Variants in SETBP1 observed in about 807,000 individuals in gnomAD.
SETBP1 encodes SET binding protein 1, also known as SET-binding protein.
Under a neutral mutation model 101.0 loss-of-function variants are expected in SETBP1, and 9 were observed. That is an observed-to-expected ratio of 0.09 (90% CI 0.05 to 0.16). The LOEUF is 0.16. SETBP1 is among the 10% of genes least tolerant of loss of function. The pLI is 1.00. For missense variants in SETBP1, 1,858 were observed against 2,033.8 expected (o/e 0.91, Z 1.66); for synonymous variants, 818 against 788.5 (o/e 1.04, Z -0.63).
At chr18:44,876,890 C>T in intron 3 of SETBP1, 5 of 1,390,176 alleles carry the variant, frequency 3.6e-6, no homozygotes, top group Non-Finnish European at 4.7e-6. Context: ...GCTAGCTAGA[C>T]ATTCTCTCTG....
intron 2 of SETBP1, among the ~76,000 whole-genome samples, chr18:44,738,809 A>ATACAC (rs2070036640): frequency 6.6e-6 from 1 of 151,758 alleles, no homozygotes; most frequent in Admixed American, 6.6e-5. Context: ...GGAAGACGGT[A>ATACAC]TACACGAACA....
chr18:44,906,313 T>G (rs1423033777), intron 3 of SETBP1, among the ~76,000 whole-genome samples: 1 of 152,214 alleles, frequency 6.6e-6, no homozygotes, highest in Non-Finnish European at 1.5e-5. Flanking sequence ...TTTTCTCTTC[T>G]GATAGTAGTC....
At chr18:44,949,313 G>A (rs1268267040) in intron 3 of SETBP1, among the ~76,000 whole-genome samples, 1 of 152,232 alleles carries the variant, frequency 6.6e-6, no homozygotes, top group Non-Finnish European at 1.5e-5. Context: ...GTACAGAGAT[G>A]TTGAGCTCTA....
In SETBP1 at chr18:44,894,867, C is replaced by T. The variant is rs377458417; in HGVS notation, c.540+25584C>T. On this transcript the variant is annotated intron_variant, in intron 3 of 5. Coordinates refer to ENST00000649279, the MANE Select transcript of SETBP1 (RefSeq NM_015559.3). Reference sequence around the variant, plus strand: ...TAATTGAGGCTGGGCACCGTGGCTGCTTTGGGAGGCTGACTCAGGAGGATT... The same window carrying T: ...TAATTGAGGCTGGGCACCGTGGCTGTTTTGGGAGGCTGACTCAGGAGGATT... Among the ~76,000 whole-genome samples the T allele has an allele frequency of 1.5e-4, 23 of 150,900 alleles. No individual in the cohort carries two copies. The East Asian group carries it at 4.4e-3, about 29-fold the overall frequency.
At chr18:44,708,265 T>C (rs1053795020) in intron 2 of SETBP1, among the ~76,000 whole-genome samples, 1 of 152,160 alleles carries the variant, frequency 6.6e-6, no homozygotes, top group Admixed American at 6.5e-5. Flanking sequence ...TGTACTGCTT[T>C]ACAGAAGACT....
intron 2 of SETBP1, among the ~76,000 whole-genome samples, chr18:44,836,046 T>A (rs1270467410): frequency 3.3e-5 from 5 of 152,060 alleles, no homozygotes; most frequent in Admixed American, 1.3e-4. Context: ...CGGACAACGA[T>A]CCTGTCCATT....
chr18:44,862,836 G>C, intron 2 of SETBP1, among the ~76,000 whole-genome samples: 1 of 152,220 alleles, frequency 6.6e-6, no homozygotes, highest in Non-Finnish European at 1.5e-5. Flanking sequence ...CAGCCTTGGG[G>C]TGAGAGGGAT....
At chr18:44,992,854 A>G (rs909757997) in intron 4 of SETBP1, among the ~76,000 whole-genome samples, 10 of 152,040 alleles carry the variant, frequency 6.6e-5, no homozygotes, top group Non-Finnish European at 1.2e-4. Flanking sequence ...ACAGAATGAG[A>G]AAAAAGAAAT....
rs953156004 is a variant in SETBP1, at chr18:45,067,114, T to C, written c.*3416T>C. 6.6e-6 allele frequency: 1 copy of C among 152,182 alleles called. No individual in the cohort carries two copies. The highest frequency in any genetic ancestry group is 6.5e-5 in the Admixed American group (1 of 15,282). 9.4% of individuals were successfully genotyped at this position (152,182 alleles called of 1,614,324 possible). A position where few individuals can be genotyped will look rare whatever the true frequency, so the allele number is the denominator to read the frequency against. The stretch of plus-strand genomic sequence containing the variant: ...CCACTGACAGCCCAGAGAAGGTGAC[T>C]AAGGGCTGGCAGAAGATTAGAATGT... On this transcript the variant is annotated 3_prime_UTR_variant, in exon 6 of 6. Transcript: ENST00000649279.
At chr18:44,758,673 C>T (rs1030020676) in intron 2 of SETBP1, among the ~76,000 whole-genome samples, 11 of 152,288 alleles carry the variant, frequency 7.2e-5, no homozygotes, top group Non-Finnish European at 1.2e-4. Flanking sequence ...TGAGCCACCA[C>T]GCCCGGCCTG....
At chr18:44,902,232 TTCTCTCTCTC>T (rs58150833) in intron 3 of SETBP1, among the ~76,000 whole-genome samples, 1 of 149,606 alleles carries the variant, frequency 6.7e-6, no homozygotes, top group Non-Finnish European at 1.5e-5. Flanking sequence ...ATCTCTCTCT[TTCTCTCTCTC>T]TCTCTCTCTC....
At chr18:44,838,503 C>CT (rs1186794343) in intron 2 of SETBP1, among the ~76,000 whole-genome samples, 3 of 152,194 alleles carry the variant, frequency 2.0e-5, no homozygotes, top group Non-Finnish European at 4.4e-5. Flanking sequence ...ATCTGGGTCC[C>CT]TTGCTGCAGT....
At position 45,063,516 on chromosome 18, in the gene SETBP1, C is replaced by G; in HGVS notation, c.4609C>G (p.Pro1537Ala). 1 of 1,375,738 alleles carries G rather than the reference C, an allele frequency of 7.3e-7. No homozygotes were observed. The highest frequency in any genetic ancestry group is 9.5e-7 in the Non-Finnish European group (1 of 1,054,858). 85.2% of individuals were successfully genotyped at this position (1,375,738 alleles called of 1,614,324 possible). Residue 1537 changes from proline (P) to alanine (A), a missense_variant, in exon 6 of 6, where the codon CCC becomes GCC. This residue lies in a region of SETBP1 where 178 missense variants were observed against 189.1 expected (regional missense o/e 0.94). Transcript: ENST00000649279. Reference sequence around the variant, plus strand: ...GCCCCTGCCGCCACCGCCGCCACCACCCCTGCCCCCGCCACCCCCTCTACC... The same window carrying G: ...GCCCCTGCCGCCACCGCCGCCACCAGCCCTGCCCCCGCCACCCCCTCTACC... ...PPPLPPPPPP[P>A]LPPPPPLPKT...
chr18:45,010,030 TG>T (rs1211948539), intron 4 of SETBP1, among the ~76,000 whole-genome samples: 4 of 152,172 alleles, frequency 2.6e-5, no homozygotes, highest in Non-Finnish European at 5.9e-5. Context: ...TGAGCACAAC[TG>T]GAGGAAAAAG....
chr18:44,945,078 C>A (rs1179149593), intron 3 of SETBP1, among the ~76,000 whole-genome samples: 5 of 152,000 alleles, frequency 3.3e-5, no homozygotes. Context: ...TATACATGTG[C>A]CATGTTGGTG....
At chr18:44,789,423 G>A (rs187795010) in intron 2 of SETBP1, among the ~76,000 whole-genome samples, 5 of 152,306 alleles carry the variant, frequency 3.3e-5, no homozygotes, top group East Asian at 1.9e-4. Context: ...GTTTCAGCAA[G>A]TACAAACATG....
chr18:45,059,860 G>C (rs947381295), intron 5 of SETBP1, among the ~76,000 whole-genome samples: 3 of 152,100 alleles, frequency 2.0e-5, no homozygotes, highest in African/African-American at 4.8e-5. Flanking sequence ...GGTTGCCTTG[G>C]GGGGAAGTAG....
intron 2 of SETBP1, among the ~76,000 whole-genome samples, chr18:44,750,482 C>A (rs1024835306): frequency 6.6e-6 from 1 of 152,158 alleles, no homozygotes; most frequent in South Asian, 2.1e-4. Flanking sequence ...AGGGTGTTAA[C>A]ATGAATTTTG....
intron 2 of SETBP1, among the ~76,000 whole-genome samples, chr18:44,843,098 C>A (rs2072654161): frequency 6.6e-6 from 1 of 152,232 alleles, no homozygotes; most frequent in African/African-American, 2.4e-5. Context: ...CTTTTGTAGC[C>A]TGCCAACTCT....
Sources: gnomAD v4.1 joint callset for allele counts (sites outside exome capture counted in the v4.1 genomes callset) on GRCh38, gnomAD v4.1.1 for gene constraint, gnomAD v4.1.1 regional missense constraint, MANE v1.5 for transcripts, NCBI Gene and HGNC (gene_info 2026-07-23, HGNC 2026-07-21) for gene names.